The following C12orf50 variants were observed in gnomAD, a reference collection of about 807,000 sequenced individuals.
C12orf50 encodes zinc finger CCCH-type containing 11D.
In C12orf50, 35 loss-of-function variants were observed where a neutral mutation model predicts 61.6. The ratio of observed to expected loss-of-function variants is 0.57; its 90% CI spans 0.43 to 0.75. The LOEUF (loss-of-function observed/expected upper bound fraction) is 0.75. C12orf50 is among the 30% of genes least tolerant of loss of function. The pLI, the probability that C12orf50 is intolerant of heterozygous loss-of-function variation, is 0.00. For missense variants in C12orf50, 475 were observed against 488.5 expected (o/e 0.97, Z 0.26); for synonymous variants, 178 against 161.5 (o/e 1.10, Z -0.77).
rs773851140 is a variant in C12orf50, at chr12:87,980,363, A to G, written c.1220-7T>C. ...CTCCCATTTCTTCTTGGCTCTAATA[A>G]TAAAATACACAAAATATTTCAATTA... On this transcript the variant is annotated splice_region_variant and splice_polypyrimidine_tract_variant and intron_variant, in intron 12 of 12. Coordinates refer to ENST00000298699, the MANE Select transcript of C12orf50 (RefSeq NM_152589.3). 3.7e-6 allele frequency: 6 copies of G among 1,603,482 alleles called. No homozygotes were observed. The highest frequency in any genetic ancestry group is 5.1e-6 in the Non-Finnish European group (6 of 1,171,650).
At chr12:88,010,470 C>A (rs7959042) in intron 3 of C12orf50, among the ~76,000 whole-genome samples, 37 of 125,742 alleles carry the variant, frequency 2.9e-4, no homozygotes, top group Non-Finnish European at 3.8e-4. Context: ...TTATTATAAT[C>A]TTATAATAAG....
chr12:88,025,087 C>G (rs2032652947), intron 3 of C12orf50, among the ~76,000 whole-genome samples: 1 of 151,966 alleles, frequency 6.6e-6, no homozygotes, highest in Non-Finnish European at 1.5e-5. Flanking sequence ...GAGAATAGAT[C>G]AAAATGGAGA....
chr12:87,980,403 G>A (rs149503128), intron 12 of C12orf50, 47 bp from the exon 13 acceptor site: 163 of 1,476,686 alleles, frequency 1.1e-4, no homozygotes, highest in East Asian at 5.7e-4. Context: ...CTTGTTTAGC[G>A]CACTGATATT....
chr12:88,028,370 C>G (rs1232888998), intron 1 of C12orf50, among the ~76,000 whole-genome samples: 1 of 152,176 alleles, frequency 6.6e-6, no homozygotes, highest in Non-Finnish European at 1.5e-5. Flanking sequence ...TGAAACCAGA[C>G]ATATCATCTT....
At chr12:88,008,693 A>G (rs916724189) in intron 3 of C12orf50, among the ~76,000 whole-genome samples, 1 of 152,168 alleles carries the variant, frequency 6.6e-6, no homozygotes, top group South Asian at 2.1e-4. Context: ...ATATATTGTA[A>G]CAAGTATCAC....
At position 87,980,324 on chromosome 12, in the gene C12orf50, TCCA is replaced by T; in HGVS notation, c.*4_*6del. On this transcript the variant is annotated 3_prime_UTR_variant, in exon 13 of 13. Coordinates refer to ENST00000298699, the MANE Select transcript of C12orf50 (RefSeq NM_152589.3). ...TTTCTCATTTTTCTCTCTCTCAACCTCCAGGTTTACTTGCTCCCATTTCTTCTT... is the reference window on the plus strand; with the variant it reads ...TTTCTCATTTTTCTCTCTCTCAACCTGGTTTACTTGCTCCCATTTCTTCTT... 1.9e-6 allele frequency: 3 copies of T among 1,608,716 alleles called. No homozygotes were observed. Among genetic ancestry groups the T allele is most frequent in the Non-Finnish European group, 2.5e-6 (3 of 1,176,600 alleles).
intron 3 of C12orf50, among the ~76,000 whole-genome samples, chr12:88,005,063 T>C (rs1359572898): frequency 6.6e-6 from 1 of 152,166 alleles, no homozygotes; most frequent in East Asian, 1.9e-4. Context: ...AAAAAATCAA[T>C]GCATAGTTGA....
At chr12:88,004,185 T>C (rs992655071) in intron 3 of C12orf50, among the ~76,000 whole-genome samples, 11 of 152,314 alleles carry the variant, frequency 7.2e-5, no homozygotes, top group African/African-American at 2.6e-4. Context: ...TACTTCTTTA[T>C]GCAGGAGTTT....
intron 1 of C12orf50, 120 bp from the exon 2 acceptor site, chr12:88,027,190 A>G: frequency 4.7e-6 from 5 of 1,058,128 alleles, no homozygotes; most frequent in Non-Finnish European, 6.4e-6. Flanking sequence ...ACAAAGATAT[A>G]CACTATCAAT....
At chr12:88,001,724 T>G (rs1337470590) in intron 3 of C12orf50, among the ~76,000 whole-genome samples, 1 of 151,610 alleles carries the variant, frequency 6.6e-6, no homozygotes, top group African/African-American at 2.4e-5. Flanking sequence ...GATGGTAGTT[T>G]GTGTCTTTCT....
rs2030999166 is a variant in C12orf50 at position 87,989,258 on chromosome 12, C to G, written c.700+6G>C. 1.3e-6 allele frequency: 2 copies of G among 1,565,662 alleles called. No individual in the cohort carries two copies. Among genetic ancestry groups the G allele is most frequent in the Non-Finnish European group, 1.8e-6 (2 of 1,141,410 alleles). ...AAATGAATCAAAATTATATAATATT[C>G]ATTACCTTTAGTATTTGAACATTTT... is the stretch of plus-strand genomic sequence containing the variant. On this transcript the variant is annotated splice_donor_region_variant and intron_variant, in intron 8 of 12. Coordinates refer to ENST00000298699, the MANE Select transcript of C12orf50 (RefSeq NM_152589.3).
At chr12:87,996,264 C>A (rs1018701423) in intron 6 of C12orf50, 110 bp downstream of exon 6, 1 of 766,028 alleles carries the variant, frequency 1.3e-6, no homozygotes. Flanking sequence ...TGCTCAATTA[C>A]GATGTATTAT....
intron 11 of C12orf50, chr12:87,984,712 G>T (rs7133344): frequency 6.6e-6 from 1 of 152,078 alleles, no homozygotes; most frequent in East Asian, 1.9e-4. Context: ...AGCATGATCC[G>T]TAATACCAAT....
At chr12:88,015,293 A>C (rs2032270265) in intron 3 of C12orf50, among the ~76,000 whole-genome samples, 1 of 152,260 alleles carries the variant, frequency 6.6e-6, no homozygotes, top group Admixed American at 6.5e-5. Context: ...ATTTAAAAAC[A>C]ATTTATTAGC....
chr12:87,986,103 A>G, intron 10 of C12orf50, 50 bp from the exon 11 acceptor site: 1 of 1,557,050 alleles, frequency 6.4e-7, no homozygotes, highest in Non-Finnish European at 8.9e-7. Flanking sequence ...CTGGTTTCAC[A>G]CCCATAAATA....
intron 9 of C12orf50, among the ~76,000 whole-genome samples, chr12:87,986,832 G>A (rs2030850108): frequency 6.6e-6 from 1 of 152,036 alleles, no homozygotes; most frequent in Non-Finnish European, 1.5e-5. Context: ...TTGGATTAAT[G>A]TAAAATACTT....
At chr12:87,999,056 A>T (rs1426911805) in intron 3 of C12orf50, among the ~76,000 whole-genome samples, 2 of 152,190 alleles carry the variant, frequency 1.3e-5, no homozygotes, top group African/African-American at 2.4e-5. Flanking sequence ...TGACACCAAA[A>T]GAAAAAGCAG....
At chr12:88,024,031 C>A (rs1373505665) in intron 3 of C12orf50, among the ~76,000 whole-genome samples, 1 of 152,110 alleles carries the variant, frequency 6.6e-6, no homozygotes, top group Non-Finnish European at 1.5e-5. Context: ...AAAAAATGCT[C>A]AACATCACTA....
chr12:87,984,689 G>A (rs1469773699), intron 11 of C12orf50: 2 of 152,120 alleles, frequency 1.3e-5, no homozygotes, highest in African/African-American at 4.8e-5. Context: ...TTACTATGCA[G>A]CTGTGTTCTC....
Sources: gnomAD v4.1 joint callset for allele counts (sites outside exome capture counted in the v4.1 genomes callset) on GRCh38, gnomAD v4.1.1 for gene constraint, MANE v1.5 for transcripts, NCBI Gene and HGNC (gene_info 2026-07-23, HGNC 2026-07-21) for gene names.